NMRK1: variants seen among roughly 807,000 people sequenced by gnomAD.
The protein encoded by NMRK1 is NRK 1.
Under a neutral mutation model 29.9 loss-of-function variants are expected in NMRK1, and 28 were observed. That is an observed-to-expected ratio of 0.94 (90% CI 0.69 to 1.28). The LOEUF is 1.28. NMRK1 is among the 50% of genes most tolerant of loss of function. The pLI is 0.00. For synonymous variants in NMRK1, 58 were observed against 73.0 expected, an observed-to-expected ratio of 0.79 and a Z score of 1.05; for missense variants, 218 against 233.1, an observed-to-expected ratio of 0.94 and a Z score of 0.42.
chr9:75,078,533 T>G, intron 2 of NMRK1: 1 of 1,289,258 alleles, frequency 7.8e-7, no homozygotes, highest in African/African-American at 1.5e-5. Context: ...AGGGAGGCAC[T>G]TCTCGATTCA....
chr9:75,078,556 A>C, intron 2 of NMRK1: 1 of 1,279,946 alleles, frequency 7.8e-7, no homozygotes, highest in East Asian at 2.9e-5. Flanking sequence ...CATTTATTGA[A>C]AGCGTGTTTT....
chr9:75,086,843 G>A (rs1824670178), intron 1 of NMRK1, among the ~76,000 whole-genome samples: 1 of 151,570 alleles, frequency 6.6e-6, no homozygotes, highest in Non-Finnish European at 1.5e-5. Flanking sequence ...CAGGAGATAG[G>A]GCAGTCTTTT....
intron 2 of NMRK1, chr9:75,078,218 G>A: frequency 6.7e-7 from 1 of 1,488,874 alleles, no homozygotes; most frequent in South Asian, 1.3e-5. Flanking sequence ...CAGAGAATAT[G>A]AGTAGCACAT....
intron 1 of NMRK1, among the ~76,000 whole-genome samples, chr9:75,084,780 G>T (rs1270358594): frequency 6.6e-6 from 1 of 152,110 alleles, no homozygotes; most frequent in African/African-American, 2.4e-5. Context: ...GCAGAGTGAG[G>T]CCCTGTCTTA....
intron 4 of NMRK1, among the ~76,000 whole-genome samples, chr9:75,070,793 T>C (rs1459329072): frequency 1.3e-5 from 2 of 152,192 alleles, no homozygotes; most frequent in Non-Finnish European, 1.5e-5. Flanking sequence ...CTATTAAGAT[T>C]TTTTTCTTTG....
chr9:75,079,263 T>C (rs1176938769), intron 2 of NMRK1, among the ~76,000 whole-genome samples: 1 of 152,260 alleles, frequency 6.6e-6, no homozygotes, highest in Non-Finnish European at 1.5e-5. Context: ...TTGAAAACGA[T>C]GAAAAGTGAG....
intron 2 of NMRK1, chr9:75,078,454 T>C (rs1824135171): frequency 4.6e-6 from 7 of 1,512,444 alleles, no homozygotes; most frequent in Middle Eastern, 1.7e-4. Context: ...GACTGTGAAG[T>C]CCAGGAGAAG....
At chr9:75,080,706 T>C (rs1824269306) in intron 2 of NMRK1, among the ~76,000 whole-genome samples, 1 of 152,202 alleles carries the variant, frequency 6.6e-6, no homozygotes, top group Non-Finnish European at 1.5e-5. Context: ...GTTTGGCTCA[T>C]GAGGGCAGAT....
rs370622555 is a variant in NMRK1, at chr9:75,066,856, G to C, written c.497-16C>G. 6.2e-6 allele frequency: 9 copies of C among 1,462,850 alleles called. No individual in the cohort carries two copies. The highest frequency in any genetic ancestry group is 8.6e-6 in the Non-Finnish European group (9 of 1,050,808). 90.6% of individuals were successfully genotyped at this position (1,462,850 alleles called of 1,614,324 possible). ...TCCAGGTACACTACGAAGGGGAAAA[G>C]AGAGCAGTTCAAATGCTAACAGGCT... On this transcript the variant is annotated splice_polypyrimidine_tract_variant and intron_variant, in intron 7 of 8. Transcript: ENST00000361092.
At chr9:75,080,610 C>T (rs1430448206) in intron 2 of NMRK1, among the ~76,000 whole-genome samples, 5 of 152,156 alleles carry the variant, frequency 3.3e-5, no homozygotes, top group Non-Finnish European at 7.4e-5. Flanking sequence ...CGAGATTGCA[C>T]CACTGCACTC....
Position 75,066,762 on chromosome 9 carries a change from T to C in NMRK1, c.575A>G (p.Gln192Arg). 1 of 1,578,138 alleles carries C rather than the reference T, an allele frequency of 6.3e-7. No homozygotes were observed. Among genetic ancestry groups the C allele is most frequent in the South Asian group, 1.1e-5 (1 of 90,338 alleles). ...YEDLIQELAK[Q>R]KCLQVTA ...TTTGTTAGCACAATACTTACACTTT[T>C]GCTTTGCTAGTTCTTGTATTAGATC... The change falls in exon 8 of 9, where the codon CAA becomes CGA. Residue 192 changes from glutamine to arginine, a missense_variant. Physicochemically the swap from Gln to Arg is conservative, Grantham distance 43. Transcript: ENST00000361092.
intron 4 of NMRK1, among the ~76,000 whole-genome samples, chr9:75,072,374 G>A (rs1823750494): frequency 6.6e-6 from 1 of 152,128 alleles, no homozygotes; most frequent in African/African-American, 2.4e-5. Context: ...ATCCATCTTG[G>A]CTGGAACCAG....
intron 2 of NMRK1, among the ~76,000 whole-genome samples, chr9:75,081,762 G>T (rs1322647772): frequency 2.6e-5 from 4 of 152,136 alleles, no homozygotes; most frequent in Non-Finnish European, 4.4e-5. Flanking sequence ...CTTTTACCAT[G>T]GTGGCTGAGT....
chr9:75,069,349 C>G, intron 6 of NMRK1: 1 of 506,670 alleles, frequency 2.0e-6, no homozygotes, highest in Non-Finnish European at 3.5e-6. Flanking sequence ...CCTTCTAGTG[C>G]TTTATAAGAG....
intron 7 of NMRK1, 55 bp from the exon 8 acceptor site, chr9:75,066,895 T>G: frequency 1.0e-6 from 1 of 980,992 alleles, no homozygotes. Context: ...TAATATACAA[T>G]GTTTACTTTG....
At chr9:75,067,490 A>G (rs1330673158) in intron 7 of NMRK1, among the ~76,000 whole-genome samples, 4 of 152,212 alleles carry the variant, frequency 2.6e-5, no homozygotes, top group African/African-American at 9.7e-5. Context: ...GAGAGGCAAG[A>G]GCACTGATGC....
At chr9:75,062,920 T>A (rs1160559922) in intron 8 of NMRK1, among the ~76,000 whole-genome samples, 1 of 152,074 alleles carries the variant, frequency 6.6e-6, no homozygotes, top group Non-Finnish European at 1.5e-5. Context: ...TAATCCCAGC[T>A]ACTTGGGAGG....
intron 8 of NMRK1, among the ~76,000 whole-genome samples, chr9:75,066,488 C>A (rs1205311760): frequency 6.6e-6 from 1 of 152,284 alleles, no homozygotes; most frequent in Non-Finnish European, 1.5e-5. Flanking sequence ...TTTGGTACAG[C>A]CATCTACTAA....
chr9:75,061,802 G>A (rs988820396), intron 8 of NMRK1, among the ~76,000 whole-genome samples: 5 of 152,132 alleles, frequency 3.3e-5, no homozygotes, highest in South Asian at 4.1e-4. Context: ...CTTGTAGTTC[G>A]TATAGTAATC....
Sources: allele counts gnomAD v4.1 joint callset (sites outside exome capture counted in the v4.1 genomes callset), GRCh38; gene constraint gnomAD v4.1.1; transcripts MANE v1.5; gene names NCBI Gene and HGNC (gene_info 2026-07-23, HGNC 2026-07-21).